The following MAST2 variants were observed in gnomAD, a reference collection of about 807,000 sequenced individuals.
The protein encoded by MAST2 is microtubule associated serine/threonine kinase 2, also known as microtubule-associated serine/threonine-protein kinase 2.
Under a neutral mutation model 147.4 loss-of-function variants are expected in MAST2, and 70 were observed. The ratio of observed to expected loss-of-function variants is 0.47; its 90% confidence interval spans 0.39 to 0.58. The LOEUF (loss-of-function observed/expected upper bound fraction) is 0.58. Among genes scored for constraint, MAST2 ranks in the 20% least tolerant of loss-of-function variants. MAST2 has a pLI of 0.00. For synonymous variants in MAST2, 869 were observed against 896.8 expected (o/e 0.97, Z 0.55); for missense variants, 2,080 against 2,302.3 (o/e 0.90, Z 1.98).
chr1:45,915,076 A>G (rs1652260231), intron 4 of MAST2, among the ~76,000 whole-genome samples: 1 of 152,138 alleles, frequency 6.6e-6, no homozygotes, highest in Non-Finnish European at 1.5e-5. Context: ...GACCACAGGC[A>G]TGCACCACCA....
chr1:45,844,784 A>C (rs1003983858), intron 3 of MAST2, among the ~76,000 whole-genome samples: 3 of 152,094 alleles, frequency 2.0e-5, no homozygotes, highest in Non-Finnish European at 2.9e-5. Context: ...TTGTTGGTTG[A>C]TTGGTTTGTT....
chr1:45,960,295 G>T (rs758140874), intron 5 of MAST2, among the ~76,000 whole-genome samples: 2 of 152,086 alleles, frequency 1.3e-5, no homozygotes, highest in African/African-American at 2.4e-5. Flanking sequence ...AATTGCTTGA[G>T]CTTAGGAGTT....
chr1:45,829,529 G>T lies in MAST2; in HGVS notation c.416G>T (p.Arg139Leu), dbSNP rs577210022. 1.7e-5 allele frequency: 27 copies of T among 1,614,050 alleles called. No homozygotes were observed. The highest frequency in any genetic ancestry group is 3.3e-4 in the Middle Eastern group (2 of 6,084). ...QSSGEASNLV[R>L]MRNQSLGQSA... Reference sequence around the variant, plus strand: ...TCAGGAGAAGCATCAAACCTGGTTCGAATGAGAAACCAGTCCCTTGGACAG... The same window carrying T: ...TCAGGAGAAGCATCAAACCTGGTTCTAATGAGAAACCAGTCCCTTGGACAG... The change falls in exon 3 of 29, where the codon CGA becomes CTA. Residue 139 changes from arginine to leucine, a missense_variant. Arg to Leu is a moderately radical substitution (Grantham distance 102). Transcript: ENST00000361297.
chr1:45,808,136 T>C (rs970571052), intron 1 of MAST2, among the ~76,000 whole-genome samples: 1 of 152,220 alleles, frequency 6.6e-6, no homozygotes, highest in African/African-American at 2.4e-5. Flanking sequence ...AGTGGTTTAC[T>C]GTATCATGAA....
intron 4 of MAST2, among the ~76,000 whole-genome samples, chr1:45,883,911 T>TTCCCCCCCCCCCC (rs1491218010): frequency 6.2e-3 from 3 of 482 alleles, no homozygotes; most frequent in Non-Finnish European, 0.011. Flanking sequence ...CTACTATTTC[T>TTCCCCCCCCCCCC]GCCCCCCCCG....
chr1:46,030,475 AGCAGGGGTGTGTGAAGGAGGGAT>A (rs1646603783), intron 21 of MAST2, 109 bp from the exon 22 acceptor site: 1 of 1,093,960 alleles, frequency 9.1e-7, no homozygotes, highest in Non-Finnish European at 1.3e-6. Context: ...CCAAATATTC[AGCAGGGGTGTGTGAAGGAGGGAT>A]GGAACCGACT....
At chr1:45,908,854 G>T (rs931628541) in intron 4 of MAST2, among the ~76,000 whole-genome samples, 5 of 152,142 alleles carry the variant, frequency 3.3e-5, no homozygotes, top group Admixed American at 3.3e-4. Flanking sequence ...GGAGGGAGCA[G>T]CCTGACTTTT....
At chr1:45,980,297 A>AAG (rs1553251885) in intron 5 of MAST2, among the ~76,000 whole-genome samples, 3 of 144,824 alleles carry the variant, frequency 2.1e-5, no homozygotes, top group Admixed American at 7.0e-5. Flanking sequence ...AAAAAAAAAA[A>AAG]GGCAACAAAA....
At chr1:46,029,620 G>T in intron 19 of MAST2, 53 bp downstream of exon 19, 1 of 1,544,274 alleles carries the variant, frequency 6.5e-7, no homozygotes. Context: ...GGTAAGGGAG[G>T]CTGAGTCATG....
intron 4 of MAST2, among the ~76,000 whole-genome samples, chr1:45,945,243 G>A (rs1286725715): frequency 6.6e-6 from 1 of 152,234 alleles, no homozygotes; most frequent in Non-Finnish European, 1.5e-5. Context: ...CAAGTCTATA[G>A]TGGACTGAGA....
chr1:45,919,001 T>C (rs1325559642), intron 4 of MAST2, among the ~76,000 whole-genome samples: 1 of 152,128 alleles, frequency 6.6e-6, no homozygotes, highest in Non-Finnish European at 1.5e-5. Flanking sequence ...CGCGTACCTG[T>C]AATCCCTGCT....
chr1:46,032,466 G>C (rs1646710804), intron 25 of MAST2, 62 bp downstream of exon 25: 1 of 1,603,876 alleles, frequency 6.2e-7, no homozygotes, highest in Non-Finnish European at 8.5e-7. Context: ...CTTCCCCTTT[G>C]TGGAGCCCAT....
intron 4 of MAST2, among the ~76,000 whole-genome samples, chr1:45,932,105 T>A (rs1655410743): frequency 6.6e-6 from 1 of 152,212 alleles, no homozygotes; most frequent in African/African-American, 2.4e-5. Context: ...GCTGTAAAGT[T>A]TTGCTGCTGT....
In MAST2 at chr1:46,030,285, G is replaced by C. The variant is rs766264827; in HGVS notation, c.2553+47G>C. The C allele has an allele frequency of 6.4e-6, 10 of 1,569,850 alleles. No individual in the cohort carries two copies. The South Asian group carries it at 1.1e-4, about 18-fold the overall frequency. On this transcript the variant is annotated intron_variant, in intron 21 of 28. Transcript: ENST00000361297. ...ATGGGCAGAACAGGCTGGAGGATCAGAAGAAGAGGGCCTGTCAAAGGGCAC... is the reference window on the plus strand; with the variant it reads ...ATGGGCAGAACAGGCTGGAGGATCACAAGAAGAGGGCCTGTCAAAGGGCAC...
chr1:45,956,682 G>A (rs1197289440), intron 4 of MAST2, among the ~76,000 whole-genome samples: 3 of 152,196 alleles, frequency 2.0e-5, no homozygotes, highest in Non-Finnish European at 2.9e-5. Flanking sequence ...AGTGAGTCCT[G>A]TTTTAGCCAC....
intron 4 of MAST2, among the ~76,000 whole-genome samples, chr1:45,938,347 G>A (rs1656609740): frequency 1.3e-5 from 2 of 152,090 alleles, no homozygotes; most frequent in Admixed American, 1.3e-4. Flanking sequence ...TCTTGGAGAT[G>A]GAGTCTCACT....
chr1:45,824,934 GA>G (rs1272018905), intron 2 of MAST2, among the ~76,000 whole-genome samples: 1 of 152,104 alleles, frequency 6.6e-6, no homozygotes, highest in Non-Finnish European at 1.5e-5. Context: ...CGCCTTCAAA[GA>G]AAAGACTTAA....
rs1409274931 is a variant in MAST2, at chr1:46,010,824, T to G, written c.1073T>G (p.Ile358Ser). 1.2e-6 allele frequency: 2 copies of G among 1,614,232 alleles called. No homozygotes were observed. The highest frequency in any genetic ancestry group is 1.7e-6 in the Non-Finnish European group (2 of 1,180,030). Residue 358 changes from isoleucine (I) to serine (S), a missense_variant, in exon 10 of 29, where the codon ATT (isoleucine) becomes AGT (serine). Ile to Ser is a moderately radical substitution (Grantham distance 142). Around this residue, in one of 4 missense-constraint regions of MAST2, gnomAD observed 569 missense variants for 642.5 expected, o/e 0.89. Coordinates refer to ENST00000361297, the MANE Select transcript of MAST2 (RefSeq NM_015112.3). ...LPLADGALSFIHHQVIEMARD... is the reference protein window; with the variant it reads ...LPLADGALSFSHHQVIEMARD... ...TTGGCAGATGGAGCCCTGAGCTTTA[T>G]TCATCATCAGGTGATTGAGATGGCC...
chr1:45,846,656 C>G (rs1218157897), intron 3 of MAST2, among the ~76,000 whole-genome samples: 2 of 151,830 alleles, frequency 1.3e-5, no homozygotes, highest in Non-Finnish European at 2.9e-5. Flanking sequence ...CCAGTCTCTA[C>G]TAAAAAAACA....
Sources: allele counts gnomAD v4.1 joint callset (sites outside exome capture counted in the v4.1 genomes callset), GRCh38; gene constraint gnomAD v4.1.1; regional missense constraint gnomAD v4.1.1; transcripts MANE v1.5; gene names NCBI Gene and HGNC (gene_info 2026-07-23, HGNC 2026-07-21).